HTR7: variants seen among roughly 807,000 people sequenced by gnomAD.
HTR7 encodes the protein 5-hydroxytryptamine receptor 7, also known as 5-HT-7.
HTR7 carries 16 observed loss-of-function variants against 34.0 expected under a neutral mutation model. The ratio of observed to expected loss-of-function variants is 0.47; its 90% CI spans 0.32 to 0.71. HTR7 has a LOEUF of 0.71. Among genes scored for constraint, HTR7 ranks in the 30% least tolerant of loss-of-function variants. The pLI is 0.04. For synonymous variants in HTR7, 265 were observed against 260.2 expected, an observed-to-expected ratio of 1.02 and a Z score of -0.18; for missense variants, 504 against 625.5, an observed-to-expected ratio of 0.81 and a Z score of 2.07.
At chr10:90,768,961 A>G (rs527500007) in intron 1 of HTR7, among the ~76,000 whole-genome samples, 5 of 152,342 alleles carry the variant, frequency 3.3e-5, no homozygotes, top group African/African-American at 1.2e-4. Context: ...TACAGAAGGT[A>G]CCACTGAAAC....
chr10:90,831,614 T>C (rs948594195), intron 1 of HTR7, among the ~76,000 whole-genome samples: 1 of 152,196 alleles, frequency 6.6e-6, no homozygotes, highest in African/African-American at 2.4e-5. Context: ...TTTATTCTCT[T>C]ATCTGGCTCC....
chr10:90,819,591 T>C (rs922243894), intron 1 of HTR7, among the ~76,000 whole-genome samples: 4 of 152,228 alleles, frequency 2.6e-5, no homozygotes, highest in Non-Finnish European at 4.4e-5. Context: ...CTTTGCCTGA[T>C]AGTTGGTTTC....
At chr10:90,832,494 C>A (rs1846194174) in intron 1 of HTR7, among the ~76,000 whole-genome samples, 1 of 152,166 alleles carries the variant, frequency 6.6e-6, no homozygotes, top group South Asian at 2.1e-4. Context: ...AAGCCCACGC[C>A]CACCCGGAAC....
At chr10:90,744,020 A>G (rs1027171182) in intron 2 of HTR7, 46 of 469,716 alleles carry the variant, frequency 9.8e-5, no homozygotes, top group Non-Finnish European at 9.6e-5. Context: ...TGTACAGGAA[A>G]GAAAGAAACT....
At chr10:90,796,403 A>T (rs189057252) in intron 1 of HTR7, among the ~76,000 whole-genome samples, 87 of 152,358 alleles carry the variant, frequency 5.7e-4, no homozygotes, top group Middle Eastern at 3.4e-3. Flanking sequence ...AAAAGAGTGA[A>T]ATCTTTCAAA....
chr10:90,845,279 G>A (rs1370778933), intron 1 of HTR7, among the ~76,000 whole-genome samples: 1 of 152,192 alleles, frequency 6.6e-6, no homozygotes, highest in Non-Finnish European at 1.5e-5. Flanking sequence ...TCTTCGGAGA[G>A]TTGGCCAGAA....
chr10:90,841,813 A>T (rs1288706890), intron 1 of HTR7, among the ~76,000 whole-genome samples: 2 of 152,122 alleles, frequency 1.3e-5, no homozygotes, highest in Non-Finnish European at 2.9e-5. Flanking sequence ...CAGCCTGGCC[A>T]TCATGGTGAA....
intron 1 of HTR7, among the ~76,000 whole-genome samples, chr10:90,793,439 A>G (rs976780681): frequency 2.7e-5 from 4 of 146,358 alleles, no homozygotes; most frequent in African/African-American, 7.8e-5. Context: ...TACTTATAGT[A>G]GTACATCAAT....
At chr10:90,780,424 C>T (rs1027642822) in intron 1 of HTR7, among the ~76,000 whole-genome samples, 4 of 151,550 alleles carry the variant, frequency 2.6e-5, no homozygotes, top group South Asian at 4.2e-4. Flanking sequence ...GTAATCCCAG[C>T]TACTCGGGAG....
intron 1 of HTR7, among the ~76,000 whole-genome samples, chr10:90,818,073 C>G (rs1476975555): frequency 1.3e-5 from 2 of 152,154 alleles, no homozygotes; most frequent in Non-Finnish European, 2.9e-5. Flanking sequence ...TAAAAGAGCA[C>G]TGGGAACTTT....
intron 1 of HTR7, among the ~76,000 whole-genome samples, chr10:90,753,964 A>C (rs1422155395): frequency 6.6e-6 from 1 of 152,090 alleles, no homozygotes; most frequent in Non-Finnish European, 1.5e-5. Flanking sequence ...AATATCAACT[A>C]AAATATCAAT....
At chr10:90,781,681 C>T (rs1425753327) in intron 1 of HTR7, among the ~76,000 whole-genome samples, 1 of 152,168 alleles carries the variant, frequency 6.6e-6, no homozygotes, top group African/African-American at 2.4e-5. Context: ...AAAGCTTCTT[C>T]GTTTATTTAT....
At chr10:90,845,622 C>T (rs1287578855) in intron 1 of HTR7, among the ~76,000 whole-genome samples, 1 of 152,190 alleles carries the variant, frequency 6.6e-6, no homozygotes, top group African/African-American at 2.4e-5. Context: ...TAGCACAAAA[C>T]GCATTCATAA....
chr10:90,848,367 G>A (rs1221296284), intron 1 of HTR7, among the ~76,000 whole-genome samples: 1 of 151,990 alleles, frequency 6.6e-6, no homozygotes. Context: ...ACTGTGCCTG[G>A]CCTCTTTGTT....
chr10:90,783,369 C>G (rs1460509841), intron 1 of HTR7, among the ~76,000 whole-genome samples: 3 of 152,152 alleles, frequency 2.0e-5, no homozygotes. Context: ...CAGTCTTACT[C>G]CCCACTTTGT....
At position 90,742,401 on chromosome 10, in the gene HTR7, C is replaced by A; in HGVS notation, c.*81G>T. ...CCAAGAAAGGACAGAAGCTGCATTCCATTCTGCAGACTCAGCAAATGACTT... is the reference window on the plus strand; with the variant it reads ...CCAAGAAAGGACAGAAGCTGCATTCAATTCTGCAGACTCAGCAAATGACTT... On this transcript the variant is annotated 3_prime_UTR_variant, in exon 4 of 4. Transcript: ENST00000336152. 1 of 1,063,732 alleles carries A rather than the reference C, an allele frequency of 9.4e-7. No individual in the cohort carries two copies. Among genetic ancestry groups the A allele is most frequent in the Non-Finnish European group, 1.4e-6 (1 of 702,902 alleles). The allele number at this position is 1,063,732 out of a possible 1,614,324, so 65.9% of individuals were successfully genotyped here.
At chr10:90,805,545 G>A (rs1387927699) in intron 1 of HTR7, among the ~76,000 whole-genome samples, 1 of 152,150 alleles carries the variant, frequency 6.6e-6, no homozygotes, top group East Asian at 1.9e-4. Flanking sequence ...TGCCTTTGAG[G>A]TATGCATTTT....
chr10:90,816,550 A>C (rs1845901902), intron 1 of HTR7, among the ~76,000 whole-genome samples: 1 of 152,218 alleles, frequency 6.6e-6, no homozygotes. Context: ...GTTTTTAGTT[A>C]GCTCTCTCAT....
chr10:90,785,488 ATGTC>A (rs1345176609), intron 1 of HTR7, among the ~76,000 whole-genome samples: 2 of 152,176 alleles, frequency 1.3e-5, no homozygotes, highest in African/African-American at 4.8e-5. Flanking sequence ...TACCTTCGTA[ATGTC>A]TGTCTATCTG....
Sources: allele counts gnomAD v4.1 joint callset (sites outside exome capture counted in the v4.1 genomes callset), GRCh38; gene constraint gnomAD v4.1.1; transcripts MANE v1.5; gene names NCBI Gene and HGNC (gene_info 2026-07-23, HGNC 2026-07-21).